Variants in LAMP2 observed in about 807,000 individuals in gnomAD.
LAMP2 encodes the protein lysosome-associated membrane glycoprotein 2.
In LAMP2, 4 loss-of-function variants were observed where a neutral mutation model predicts 25.6. The observed-to-expected ratio is 0.16, with a 90% CI of 0.08 to 0.36. The LOEUF (loss-of-function observed/expected upper bound fraction) is 0.36, where lower values mean the gene tolerates loss of function less well. Among genes scored for constraint, LAMP2 ranks in the 10% least tolerant of loss-of-function variants. The pLI is 1.00. For synonymous variants in LAMP2, 108 were observed against 112.7 expected, an observed-to-expected ratio of 0.96 and a Z score of 0.27; for missense variants, 272 against 301.4, an observed-to-expected ratio of 0.90 and a Z score of 0.72.
Position 120,426,409 on chromosome X carries a change from C to T in LAMP2, c.*4914G>A, listed in dbSNP as rs2058499179. Among the ~76,000 whole-genome samples, 1 of 109,159 alleles carries T rather than the reference C, an allele frequency of 9.2e-6. No individual in the cohort carries two copies. The highest frequency in any genetic ancestry group is 3.3e-5 in the African/African-American group (1 of 29,954). 94.8% of individuals were successfully genotyped at this position (109,159 alleles called of 115,157 possible). A position where few individuals can be genotyped will look rare whatever the true frequency, so the allele number is the denominator to read the frequency against. ...TTGACATAAAATTGAACTCAGTAGG[C>T]AAAGCTAATTGAACACTCAGCTCAT... On this transcript the variant is annotated 3_prime_UTR_variant, in exon 9 of 9. Transcript: ENST00000200639.
At chrX:120,435,792 T>A (rs926524129) in intron 8 of LAMP2, among the ~76,000 whole-genome samples, 2 of 111,689 alleles carry the variant, frequency 1.8e-5, no homozygotes, top group African/African-American at 6.5e-5. Flanking sequence ...CTTAACTGGG[T>A]AATTCAGAGA....
At chrX:120,452,443 T>C (rs1267139744) in intron 3 of LAMP2, among the ~76,000 whole-genome samples, 1 of 112,089 alleles carries the variant, frequency 8.9e-6, no homozygotes, top group Non-Finnish European at 1.9e-5. Context: ...TCTACCAAGC[T>C]TTCTCACTAC....
chrX:120,463,240 CT>C (rs1220040423), intron 1 of LAMP2, among the ~76,000 whole-genome samples: 6 of 111,802 alleles, frequency 5.4e-5, no homozygotes, highest in East Asian at 5.5e-4. Flanking sequence ...TATACCCTTG[CT>C]TTTGGTAAGT....
rs7056063 is a variant in LAMP2 at position 120,440,819 on chromosome X, G to A, written c.1093+911C>T. The stretch of plus-strand genomic sequence containing the variant: ...AAAATATTTTTAAAGTGTAACTAAC[G>A]TCTTTAATCGCAAGAATGGTAGGGT... On this transcript the variant is annotated intron_variant, in intron 8 of 8. Transcript: ENST00000200639. Among the ~76,000 whole-genome samples, 414 of 112,718 alleles carry A rather than the reference G, an allele frequency of 3.7e-3. 2 individuals are homozygous for A. Among genetic ancestry groups the A allele is most frequent in the Middle Eastern group, 9.2e-3 (2 of 217 alleles).
At chrX:120,439,194 A>G (rs1250097614) in intron 8 of LAMP2, 1 of 1,209,514 alleles carries the variant, frequency 8.3e-7, no homozygotes. Flanking sequence ...TCTTCTGCCA[A>G]TTACGTAAGC....
Position 120,428,448 on chromosome X carries a change from A to G in LAMP2, c.*2875T>C, listed in dbSNP as rs761747329. ...TTTAGCCAATGGAAACGTAACTTCT[A>G]ATTGAAAAAAACAAACAAACACTAG... is the stretch of plus-strand genomic sequence containing the variant. On this transcript the variant is annotated 3_prime_UTR_variant, in exon 9 of 9. Transcript: ENST00000200639. The G allele has an allele frequency of 6.1e-6, 7 of 1,147,005 alleles. No homozygotes were observed. Among genetic ancestry groups the G allele is most frequent in the Non-Finnish European group, 8.1e-6 (7 of 868,007 alleles). 94.5% of individuals were successfully genotyped at this position (1,147,005 alleles called of 1,213,427 possible).
In LAMP2 at chrX:120,462,165, G is replaced by A. The variant is rs1001985675; in HGVS notation, c.65-5396C>T. Reference sequence around the variant, plus strand: ...AAAAAGGTATGCCTCAAAATCAACCGTTCTCAAAGTCAAATATCCTCTCAA... The same window carrying A: ...AAAAAGGTATGCCTCAAAATCAACCATTCTCAAAGTCAAATATCCTCTCAA... On this transcript the variant is annotated intron_variant, in intron 1 of 8. Coordinates refer to ENST00000200639, the MANE Select transcript of LAMP2 (RefSeq NM_002294.3). 1.1e-4 allele frequency among the ~76,000 whole-genome samples: 12 copies of A among 111,070 alleles called. No homozygotes were observed. In the South Asian group the frequency reaches 1.1e-3, roughly 10 times the overall value.
chrX:120,443,527 C>T (rs1273056207), intron 6 of LAMP2, among the ~76,000 whole-genome samples: 3 of 111,328 alleles, frequency 2.7e-5, no homozygotes, highest in Non-Finnish European at 3.8e-5. Flanking sequence ...AGTATGGCTG[C>T]GGAGTCTATG....
chrX:120,441,732 G>A lies in LAMP2; in HGVS notation c.1091C>T (p.Thr364Ile), dbSNP rs183781327. Residue 364 changes from threonine (T) to isoleucine (I), a missense_variant and splice_region_variant, in exon 8 of 9, where the codon ACA (threonine) becomes ATA (isoleucine). Thr to Ile is a moderately conservative substitution (Grantham distance 89). Transcript: ENST00000200639. ...PFNVTQGKYS[T>I]AQDCSADDDN... ...AATGAAGTTTGCTTGATTCTTACCT[G>A]TAGAATACTTTCCTTGTGTCACATT... The A allele has an allele frequency of 4.0e-5, 48 of 1,199,380 alleles. 1 individual carries two copies. In the Admixed American group the frequency reaches 5.2e-4, roughly 13 times the overall value.
At chrX:120,455,734 A>G (rs1921065713) in intron 2 of LAMP2, among the ~76,000 whole-genome samples, 164 bp from the exon 3 acceptor site, 1 of 109,574 alleles carries the variant, frequency 9.1e-6, no homozygotes, top group African/African-American at 3.3e-5. Context: ...TCTGCTACAT[A>G]CCACTCCTCT....
chrX:120,450,803 G>A (rs567838910), intron 3 of LAMP2, among the ~76,000 whole-genome samples: 1 of 108,792 alleles, frequency 9.2e-6, no homozygotes, highest in Admixed American at 9.9e-5. Flanking sequence ...TGGATAATGG[G>A]TACATATGGG....
At chrX:120,450,923 T>TTA (rs1491489878) in intron 3 of LAMP2, among the ~76,000 whole-genome samples, 2 of 109,614 alleles carry the variant, frequency 1.8e-5, no homozygotes, top group Non-Finnish European at 3.8e-5. Flanking sequence ...TATACGTAAC[T>TTA]TATATATATA....
intron 1 of LAMP2, among the ~76,000 whole-genome samples, chrX:120,467,864 G>A (rs1323196663): frequency 8.9e-6 from 1 of 112,200 alleles, no homozygotes; most frequent in Non-Finnish European, 1.9e-5. Context: ...CTGGGTTCAA[G>A]CGATTCTCCT....
chrX:120,436,954 T>G (rs774976705), intron 8 of LAMP2: 2 of 751,142 alleles, frequency 2.7e-6, no homozygotes, highest in African/African-American at 4.6e-5. Flanking sequence ...AATTATTTTT[T>G]TAAAGCTGCT....
At chrX:120,454,598 C>T (rs1351773996) in intron 3 of LAMP2, among the ~76,000 whole-genome samples, 1 of 109,121 alleles carries the variant, frequency 9.2e-6, no homozygotes, top group Non-Finnish European at 1.9e-5. Flanking sequence ...AACCCCCGAT[C>T]TTGAAAATAA....
chrX:120,439,151 G>A (rs752427591), intron 8 of LAMP2: 2 of 1,210,065 alleles, frequency 1.7e-6, no homozygotes, highest in Admixed American at 4.4e-5. Context: ...GTATTGATTA[G>A]TGTTACAGAG....
chrX:120,460,168 G>T (rs760380086), intron 1 of LAMP2, among the ~76,000 whole-genome samples: 7 of 110,170 alleles, frequency 6.4e-5, no homozygotes, highest in African/African-American at 2.3e-4. Flanking sequence ...AGCTACTTGG[G>T]AGGCTGAGGC....
chrX:120,455,944 C>CA (rs57747255), intron 2 of LAMP2, among the ~76,000 whole-genome samples: 43,635 of 92,084 alleles, frequency 0.47, 8,632 homozygotes, highest in African/African-American at 0.61. Flanking sequence ...CAGTTTGTGC[C>CA]AAAAAAAAAA....
rs199705754 is a variant in LAMP2 at position 120,427,852 on chromosome X, GAACAAC to G, written c.*3465_*3470del. 1 of 111,120 alleles carries G rather than the reference GAACAAC, an allele frequency of 9.0e-6. No homozygotes were observed. Among genetic ancestry groups the G allele is most frequent in the Admixed American group, 9.6e-5 (1 of 10,446 alleles). The allele number at this position is 111,120 out of a possible 1,213,427, so 9.2% of individuals were successfully genotyped here. On this transcript the variant is annotated 3_prime_UTR_variant, in exon 9 of 9. Transcript: ENST00000200639. ...GATAATCAGTATATTCCAAACTCTAGAACAACAACAACAAAAAAAGAAATCTCCTTG... is the reference window on the plus strand; with the variant it reads ...GATAATCAGTATATTCCAAACTCTAGAACAACAAAAAAAGAAATCTCCTTG...
Sources: allele counts gnomAD v4.1 joint callset (sites outside exome capture counted in the v4.1 genomes callset), GRCh38; gene constraint gnomAD v4.1.1; transcripts MANE v1.5; gene names NCBI Gene and HGNC (gene_info 2026-07-23, HGNC 2026-07-21).